SCAPER: variants seen among roughly 807,000 people sequenced by gnomAD.
SCAPER encodes the protein S-phase cyclin A associated protein in the ER.
A neutral mutation model predicts 182.2 loss-of-function variants in SCAPER; 98 were observed. The observed-to-expected ratio is 0.54, with a 90% CI of 0.46 to 0.64. The LOEUF is 0.64. SCAPER is among the 30% of genes least tolerant of loss of function. The pLI is 0.00. For missense variants in SCAPER, 1,432 were observed against 1,690.0 expected, an observed-to-expected ratio of 0.85 and a Z score of 2.68; for synonymous variants, 605 against 564.6, an observed-to-expected ratio of 1.07 and a Z score of -1.01.
intron 23 of SCAPER, among the ~76,000 whole-genome samples, chr15:76,523,965 T>C (rs1486142040): frequency 2.0e-5 from 3 of 152,122 alleles, no homozygotes; most frequent in African/African-American, 4.8e-5. Flanking sequence ...CTGAAATAAC[T>C]GTCAGTACTG....
chr15:76,411,493 C>T (rs1313809186), intron 26 of SCAPER, among the ~76,000 whole-genome samples: 1 of 152,126 alleles, frequency 6.6e-6, no homozygotes, highest in African/African-American at 2.4e-5. Context: ...GCATACTCAA[C>T]CTGTATGCTA....
chr15:76,520,440 A>G lies in SCAPER; in HGVS notation c.2839-15466T>C, dbSNP rs190522099. ...GCCATATTGCTCAGGCTGGGCTTGA[A>G]CTCCTGAGCTTAAGTGACCCAACCA... is the stretch of plus-strand genomic sequence containing the variant. On this transcript the variant is annotated intron_variant, in intron 23 of 31. Transcript: ENST00000563290. 2.4e-4 allele frequency among the ~76,000 whole-genome samples: 36 copies of G among 151,674 alleles called. No individual in the cohort carries two copies. The Middle Eastern group carries it at 0.01, about 43-fold the overall frequency.
chr15:76,682,264 TC>T lies in SCAPER; in HGVS notation c.2509-16476del, dbSNP rs573661987. ...TCACATGGACAGAGCTCACCTCCCT[TC>T]CCCCCCCCACCCCACAGTGTACGTG... On this transcript the variant is annotated intron_variant, in intron 20 of 31. Coordinates refer to ENST00000563290, the MANE Select transcript of SCAPER (RefSeq NM_020843.4). Among the ~76,000 whole-genome samples the T allele has an allele frequency of 1.9e-4, 25 of 130,614 alleles. No individual in the cohort carries two copies. The South Asian group carries it at 2.0e-3, about 11-fold the overall frequency. The allele number at this position is 130,614 out of a possible 152,430, so 85.7% of individuals were successfully genotyped here.
At position 76,471,807 on chromosome 15, in the gene SCAPER, T is replaced by C. The variant is rs559484200; in HGVS notation, c.2955-472A>G. On this transcript the variant is annotated intron_variant, in intron 24 of 31. Transcript: ENST00000563290. Reference sequence around the variant, plus strand: ...CTCCATGTAAGATAAGACCCCGGAGTTCTAGGGAGTCGACATCACACTGCT... The same window carrying C: ...CTCCATGTAAGATAAGACCCCGGAGCTCTAGGGAGTCGACATCACACTGCT... Among the ~76,000 whole-genome samples, 3 of 151,934 alleles carry C rather than the reference T, an allele frequency of 2.0e-5. No homozygotes were observed. The East Asian group carries it at 5.8e-4, about 29-fold the overall frequency.
chr15:76,703,097 A>G, intron 18 of SCAPER, 95 bp from the exon 19 acceptor site: 1 of 1,358,130 alleles, frequency 7.4e-7, no homozygotes, highest in Non-Finnish European at 9.9e-7. Context: ...TTCAAAAATA[A>G]TAGAATGTCG....
At chr15:76,648,396 AT>A (rs2054733943) in intron 21 of SCAPER, among the ~76,000 whole-genome samples, 1 of 152,176 alleles carries the variant, frequency 6.6e-6, no homozygotes, top group South Asian at 2.1e-4. Flanking sequence ...ACAATATAAA[AT>A]GTTCTGTATT....
chr15:76,899,545 C>T (rs2074635778), intron 1 of SCAPER, among the ~76,000 whole-genome samples: 1 of 152,234 alleles, frequency 6.6e-6, no homozygotes, highest in South Asian at 2.1e-4. Context: ...GCCTTGGCCT[C>T]CCAAAGTGCT....
At chr15:76,887,401 A>G (rs968855081) in intron 1 of SCAPER, among the ~76,000 whole-genome samples, 4 of 152,192 alleles carry the variant, frequency 2.6e-5, no homozygotes, top group Admixed American at 6.5e-5. Context: ...ATTCCTAGCC[A>G]AGGGAAGCCG....
intron 5 of SCAPER, among the ~76,000 whole-genome samples, chr15:76,840,929 A>G (rs912681619): frequency 3.3e-5 from 5 of 152,200 alleles, no homozygotes; most frequent in African/African-American, 1.2e-4. Context: ...AGGATTGTTT[A>G]TCGTTAGCCA....
intron 5 of SCAPER, among the ~76,000 whole-genome samples, chr15:76,810,281 A>G (rs1000796446): frequency 1.3e-5 from 2 of 152,062 alleles, no homozygotes; most frequent in Non-Finnish European, 2.9e-5. Flanking sequence ...TATTAAAAAC[A>G]ATTATAACTA....
chr15:76,783,051 C>G (rs1212588755), intron 8 of SCAPER, among the ~76,000 whole-genome samples: 1 of 151,850 alleles, frequency 6.6e-6, no homozygotes, highest in Admixed American at 6.6e-5. Flanking sequence ...CTGAAGGGGA[C>G]AGAGACACAA....
intron 5 of SCAPER, among the ~76,000 whole-genome samples, chr15:76,808,481 A>T (rs962695030): frequency 2.6e-5 from 4 of 152,164 alleles, no homozygotes; most frequent in African/African-American, 7.2e-5. Context: ...GAATCTCGCT[A>T]AACTATAAAG....
At chr15:76,617,260 G>GTT (rs1484360404) in intron 22 of SCAPER, among the ~76,000 whole-genome samples, 2 of 152,110 alleles carry the variant, frequency 1.3e-5, no homozygotes, top group Non-Finnish European at 2.9e-5. Flanking sequence ...TGTTTTTACA[G>GTT]TTTCATGTTT....
At chr15:76,833,406 A>G (rs1441740277) in intron 5 of SCAPER, among the ~76,000 whole-genome samples, 2 of 152,188 alleles carry the variant, frequency 1.3e-5, no homozygotes, top group African/African-American at 4.8e-5. Flanking sequence ...AAAAACAATA[A>G]GTGCCACCAT....
chr15:76,390,022 T>C (rs985018824), intron 27 of SCAPER, among the ~76,000 whole-genome samples: 4 of 151,920 alleles, frequency 2.6e-5, no homozygotes, highest in African/African-American at 4.8e-5. Flanking sequence ...GGTGGCACAA[T>C]TGTAGCTCAC....
intron 22 of SCAPER, among the ~76,000 whole-genome samples, chr15:76,587,832 CTTTCT>C (rs2048784290): frequency 6.6e-6 from 1 of 152,016 alleles, no homozygotes; most frequent in Non-Finnish European, 1.5e-5. Context: ...TCCTTGTTGA[CTTTCT>C]GTCTTGATGA....
chr15:76,688,302 C>T (rs1280017900), intron 20 of SCAPER, among the ~76,000 whole-genome samples: 2 of 152,056 alleles, frequency 1.3e-5, no homozygotes, highest in Non-Finnish European at 2.9e-5. Context: ...TTCCTGTAAA[C>T]GTGTTTAAGT....
intron 20 of SCAPER, among the ~76,000 whole-genome samples, chr15:76,680,574 T>C (rs1277515620): frequency 6.6e-6 from 1 of 151,972 alleles, no homozygotes; most frequent in Non-Finnish European, 1.5e-5. Context: ...TACTGGGAAG[T>C]TATTGGGTGA....
intron 27 of SCAPER, among the ~76,000 whole-genome samples, chr15:76,390,992 T>C (rs1168164494): frequency 6.6e-6 from 1 of 152,206 alleles, no homozygotes; most frequent in Non-Finnish European, 1.5e-5. Context: ...CTCTCCTGTT[T>C]AAAATCCTCC....
Sources: gnomAD v4.1 joint callset for allele counts (sites outside exome capture counted in the v4.1 genomes callset) on GRCh38, gnomAD v4.1.1 for gene constraint, MANE v1.5 for transcripts, NCBI Gene and HGNC (gene_info 2026-07-23, HGNC 2026-07-21) for gene names.